The following JMJD1C variants were observed in gnomAD, a reference collection of about 807,000 sequenced individuals.
JMJD1C encodes the protein jumonji domain containing 1C.
In JMJD1C, 31 loss-of-function variants were observed where a neutral mutation model predicts 245.3. The observed-to-expected ratio is 0.13, with a 90% CI of 0.09 to 0.17. The LOEUF is 0.17. Among genes scored for constraint, JMJD1C ranks in the 10% least tolerant of loss-of-function variants. The pLI is 1.00. For synonymous variants in JMJD1C, 1,057 were observed against 1,017.4 expected, an observed-to-expected ratio of 1.04 and a Z score of -0.74; for missense variants, 2,691 against 3,000.2, an observed-to-expected ratio of 0.90 and a Z score of 2.41.
rs1846846504 is a variant in JMJD1C at position 63,207,917 on chromosome 10, G to A, written c.3752C>T (p.Pro1251Leu). Residue 1251 changes from proline (P) to leucine (L), a missense_variant, in exon 10 of 26, where the codon CCA becomes CTA. Transcript: ENST00000399262. ...GTCTTTTGGTTCGGGTATTAGAGTT[G>A]GAGGCTTCTGTGATTCTTGAACTTT... ...GGKVQESQKP[P>L]TLIPEPKDSQ... The A allele has an allele frequency of 6.2e-7, 1 of 1,614,140 alleles. No homozygotes were observed. The highest frequency in any genetic ancestry group is 8.5e-7 in the Non-Finnish European group (1 of 1,180,004).
chr10:63,254,254 T>C (rs1282439488), intron 3 of JMJD1C, among the ~76,000 whole-genome samples: 1 of 151,368 alleles, frequency 6.6e-6, no homozygotes, highest in Admixed American at 6.6e-5. Flanking sequence ...AAAAAGAGAC[T>C]AGAAAACATC....
chr10:63,291,529 C>A (rs746205081), intron 2 of JMJD1C, among the ~76,000 whole-genome samples: 5 of 151,082 alleles, frequency 3.3e-5, no homozygotes, highest in Non-Finnish European at 5.9e-5. Flanking sequence ...GCAGGAGAAT[C>A]GCTTGAACCC....
intron 1 of JMJD1C, among the ~76,000 whole-genome samples, chr10:63,398,652 T>TAAA (rs1564878280): frequency 6.6e-6 from 1 of 152,072 alleles, no homozygotes; most frequent in Non-Finnish European, 1.5e-5. Context: ...AAAATTTTTT[T>TAAA]TTTTTTTTTG....
At chr10:63,172,883 G>C (rs1842507597) in intron 24 of JMJD1C, among the ~76,000 whole-genome samples, 1 of 145,284 alleles carries the variant, frequency 6.9e-6, no homozygotes, top group African/African-American at 2.6e-5. Flanking sequence ...GGCTAGAGAG[G>C]AACTAGGAGA....
At chr10:63,200,012 G>A (rs527638975) in intron 11 of JMJD1C, among the ~76,000 whole-genome samples, 96 of 152,214 alleles carry the variant, frequency 6.3e-4, no homozygotes, top group Non-Finnish European at 9.3e-4. Flanking sequence ...ACTCACACAG[G>A]AACTAAGAGA....
At chr10:63,463,724 A>T (rs1952968466) in intron 1 of JMJD1C, among the ~76,000 whole-genome samples, 1 of 152,184 alleles carries the variant, frequency 6.6e-6, no homozygotes, top group South Asian at 2.1e-4. Context: ...TTTTGGTAAA[A>T]TTTAGATATG....
chr10:63,321,375 T>A (rs527383591), intron 2 of JMJD1C, among the ~76,000 whole-genome samples: 4 of 152,334 alleles, frequency 2.6e-5, no homozygotes, highest in African/African-American at 9.6e-5. Context: ...GCGATTGTCA[T>A]CTGAAGTGGG....
rs190702970 is a variant in JMJD1C, at chr10:63,294,657, A to T, written c.334-29893T>A. Among the ~76,000 whole-genome samples the T allele has an allele frequency of 3.4e-4, 52 of 152,260 alleles. No homozygotes were observed. The East Asian group carries it at 9.7e-3, about 28-fold the overall frequency. ...TTCTGTATCTCATCACTCAAAATTAATCCTTTCCTGCTTTATATACCCACT... is the reference window on the plus strand; with the variant it reads ...TTCTGTATCTCATCACTCAAAATTATTCCTTTCCTGCTTTATATACCCACT... On this transcript the variant is annotated intron_variant, in intron 2 of 25. Coordinates refer to ENST00000399262, the MANE Select transcript of JMJD1C (RefSeq NM_032776.3).
At position 63,440,531 on chromosome 10, in the gene JMJD1C, T is replaced by C. The variant is rs1266132758; in HGVS notation, c.168+24964A>G. Among the ~76,000 whole-genome samples, 3 of 152,120 alleles carry C rather than the reference T, an allele frequency of 2.0e-5. No homozygotes were observed. The East Asian group carries it at 5.8e-4, about 29-fold the overall frequency. On this transcript the variant is annotated intron_variant, in intron 1 of 25. Coordinates refer to ENST00000399262, the MANE Select transcript of JMJD1C (RefSeq NM_032776.3). The stretch of plus-strand genomic sequence containing the variant: ...CAAATGATTCTAATTACATTGTTTT[T>C]CATTCAGAAGTTTCTAATCAACAAA...
chr10:63,267,115 T>G (rs777678579), intron 2 of JMJD1C, among the ~76,000 whole-genome samples: 1 of 152,198 alleles, frequency 6.6e-6, no homozygotes, highest in African/African-American at 2.4e-5. Flanking sequence ...GTACTTATAA[T>G]CATTTACAAG....
At chr10:63,418,294 C>T (rs1949913482) in intron 1 of JMJD1C, among the ~76,000 whole-genome samples, 1 of 152,124 alleles carries the variant, frequency 6.6e-6, no homozygotes, top group South Asian at 2.1e-4. Flanking sequence ...TAAAAATTAC[C>T]ATACTATAGA....
At chr10:63,299,057 T>A (rs536896461) in intron 2 of JMJD1C, among the ~76,000 whole-genome samples, 39 of 152,146 alleles carry the variant, frequency 2.6e-4, no homozygotes, top group African/African-American at 9.4e-4. Flanking sequence ...AAAAACACTT[T>A]AGTCATTAAT....
chr10:63,281,362 T>G (rs1387143578), intron 2 of JMJD1C, among the ~76,000 whole-genome samples: 2 of 126,388 alleles, frequency 1.6e-5, no homozygotes, highest in Non-Finnish European at 3.6e-5. Context: ...GGTTTCACCA[T>G]GTCGGCCAGA....
At chr10:63,395,075 A>C (rs1192971982) in intron 1 of JMJD1C, among the ~76,000 whole-genome samples, 1 of 152,198 alleles carries the variant, frequency 6.6e-6, no homozygotes, top group African/African-American at 2.4e-5. Context: ...TTCACTAAAG[A>C]AGACATACAG....
chr10:63,324,320 C>CA (rs1564787720), intron 2 of JMJD1C, among the ~76,000 whole-genome samples: 1 of 151,924 alleles, frequency 6.6e-6, no homozygotes, highest in Non-Finnish European at 1.5e-5. Flanking sequence ...CCTACTGTCA[C>CA]AAAAGTAAGT....
At chr10:63,227,787 T>C (rs1354123178) in intron 3 of JMJD1C, among the ~76,000 whole-genome samples, 2 of 152,238 alleles carry the variant, frequency 1.3e-5, no homozygotes, top group Non-Finnish European at 2.9e-5. Flanking sequence ...GCCATACCAG[T>C]TTCGCCAGTC....
At chr10:63,185,505 T>C in intron 20 of JMJD1C, 58 bp downstream of exon 20, 1 of 941,266 alleles carries the variant, frequency 1.1e-6, no homozygotes, top group South Asian at 1.3e-5. Context: ...ATCCTATCTC[T>C]GGGGACAGTC....
intron 3 of JMJD1C, among the ~76,000 whole-genome samples, chr10:63,228,220 C>G (rs1410085698): frequency 2.7e-5 from 4 of 145,572 alleles, no homozygotes; most frequent in African/African-American, 9.8e-5. Context: ...AAAAAAATAC[C>G]ATAAAAATAC....
chr10:63,472,206 A>G (rs572084703), intron 1 of JMJD1C, among the ~76,000 whole-genome samples: 2 of 151,790 alleles, frequency 1.3e-5, no homozygotes, highest in South Asian at 4.1e-4. Context: ...TATATATTAT[A>G]TATAATAATT....
Sources: allele counts gnomAD v4.1 joint callset (sites outside exome capture counted in the v4.1 genomes callset), GRCh38; gene constraint gnomAD v4.1.1; transcripts MANE v1.5; gene names NCBI Gene and HGNC (gene_info 2026-07-23, HGNC 2026-07-21).